SYTL3: variants seen among roughly 807,000 people sequenced by gnomAD.
The protein encoded by SYTL3 is synaptotagmin-like protein 3.
Under a neutral mutation model 82.1 loss-of-function variants are expected in SYTL3, and 88 were observed. The observed-to-expected ratio is 1.07, with a 90% CI of 0.90 to 1.28. The LOEUF is 1.28. Ranked by LOEUF, SYTL3 falls within the 50% of genes most tolerant of loss-of-function variation. The pLI is 0.00. For synonymous variants in SYTL3, 311 were observed against 289.4 expected, an observed-to-expected ratio of 1.07 and a Z score of -0.76; for missense variants, 831 against 757.6, an observed-to-expected ratio of 1.10 and a Z score of -1.14.
At chr6:158,763,722 C>G (rs1790326375) in intron 17 of SYTL3, among the ~76,000 whole-genome samples, 2 of 152,136 alleles carry the variant, frequency 1.3e-5, no homozygotes, top group South Asian at 4.1e-4. Context: ...TTTAGATCTG[C>G]TAAAGAAACA....
Position 158,731,118 on chromosome 6 carries a change from A to G in SYTL3, c.855+5481A>G, listed in dbSNP as rs551559838. Among the ~76,000 whole-genome samples, 19 of 151,952 alleles carry G rather than the reference A, an allele frequency of 1.3e-4. 1 individual carries two copies. In the South Asian group the frequency reaches 4.0e-3, roughly 32 times the overall value. On this transcript the variant is annotated intron_variant, in intron 11 of 17. Coordinates refer to ENST00000611299, the MANE Select transcript of SYTL3 (RefSeq NM_001242394.2). Reference sequence around the variant, plus strand: ...GCCAACAAAGTGAAACCATGTCTCTACTAAAAATACAAAAAATTAGCCGGG... The same window carrying G: ...GCCAACAAAGTGAAACCATGTCTCTGCTAAAAATACAAAAAATTAGCCGGG...
chr6:158,682,355 CTTTTTTTTTT>C (rs61526522), intron 5 of SYTL3, among the ~76,000 whole-genome samples: 4 of 106,834 alleles, frequency 3.7e-5, no homozygotes, highest in Non-Finnish European at 7.1e-5. Flanking sequence ...TTAACATTCA[CTTTTTTTTTT>C]TTTTTTTTTT....
intron 4 of SYTL3, among the ~76,000 whole-genome samples, chr6:158,663,973 G>A (rs317795): frequency 0.1 from 15,478 of 152,134 alleles, 924 homozygotes; most frequent in Non-Finnish European, 0.14. Flanking sequence ...TGCACGGGCC[G>A]TTTGATATGG....
chr6:158,708,659 G>GC (rs1221894577), intron 8 of SYTL3, among the ~76,000 whole-genome samples: 2 of 152,150 alleles, frequency 1.3e-5, no homozygotes, highest in Non-Finnish European at 2.9e-5. Context: ...CATGGCATCG[G>GC]CCCCCTTCCC....
chr6:158,722,835 G>A (rs1193803225), intron 10 of SYTL3, among the ~76,000 whole-genome samples: 2 of 145,002 alleles, frequency 1.4e-5, no homozygotes, highest in East Asian at 4.0e-4. Context: ...GAACAGTCTG[G>A]GCTCACTGCA....
intron 7 of SYTL3, 116 bp downstream of exon 7, chr6:158,707,397 T>C: frequency 1.4e-6 from 1 of 699,806 alleles, no homozygotes; most frequent in African/African-American, 1.9e-5. Flanking sequence ...GGAATGTGAC[T>C]CTTTTTTTTT....
intron 14 of SYTL3, among the ~76,000 whole-genome samples, chr6:158,759,465 C>G (rs1331734214): frequency 6.6e-6 from 1 of 152,210 alleles, no homozygotes; most frequent in Non-Finnish European, 1.5e-5. Flanking sequence ...CTGGCAGGAG[C>G]CATGGTGGAC....
intron 5 of SYTL3, among the ~76,000 whole-genome samples, chr6:158,675,429 T>C (rs1777917795): frequency 6.6e-6 from 1 of 152,226 alleles, no homozygotes; most frequent in Non-Finnish European, 1.5e-5. Flanking sequence ...GTCTTTTTTT[T>C]CCTGTAAGGA....
intron 8 of SYTL3, 49 bp from the exon 9 acceptor site, chr6:158,713,751 A>G: frequency 4.3e-6 from 6 of 1,395,656 alleles, no homozygotes; most frequent in Middle Eastern, 1.8e-4. Context: ...TGAGGCAAAC[A>G]CAAGTCATCA....
At chr6:158,704,149 T>TAA (rs11364829) in intron 6 of SYTL3, among the ~76,000 whole-genome samples, 1 of 149,504 alleles carries the variant, frequency 6.7e-6, no homozygotes, top group Non-Finnish European at 1.5e-5. Context: ...TTTAAATGGT[T>TAA]AAAAAAAAAA....
Position 158,764,618 on chromosome 6 carries a change from A to G in SYTL3, c.*14A>G. 1 of 1,592,420 alleles carries G rather than the reference A, an allele frequency of 6.3e-7. No individual in the cohort carries two copies. The highest frequency in any genetic ancestry group is 8.6e-7 in the Non-Finnish European group (1 of 1,160,282). On this transcript the variant is annotated 3_prime_UTR_variant, in exon 18 of 18. Coordinates refer to ENST00000611299, the MANE Select transcript of SYTL3 (RefSeq NM_001242394.2). ...GTCCTGCACTGACATGAAGGCCTCA[A>G]GGTTCCAGGTTGCAGCAGGCGTGAG...
intron 10 of SYTL3, 106 bp downstream of exon 10, chr6:158,718,317 A>G (rs1413274794): frequency 4.0e-6 from 5 of 1,238,776 alleles, no homozygotes; most frequent in Non-Finnish European, 5.2e-6. Context: ...GGTTTTATAG[A>G]AAAACAGTAA....
intron 8 of SYTL3, among the ~76,000 whole-genome samples, chr6:158,710,272 A>G (rs537372694): frequency 6.6e-6 from 1 of 152,330 alleles, no homozygotes; most frequent in Non-Finnish European, 1.5e-5. Context: ...CAGCTTTGTA[A>G]CTGAAATATT....
At chr6:158,725,761 G>A (rs1197108750) in intron 11 of SYTL3, 124 bp downstream of exon 11, 3 of 1,275,970 alleles carry the variant, frequency 2.4e-6, no homozygotes, top group East Asian at 2.3e-5. Context: ...GAACAGCAAG[G>A]CATTTTATTA....
At chr6:158,757,846 G>A (rs1789346581) in intron 14 of SYTL3, among the ~76,000 whole-genome samples, 2 of 152,230 alleles carry the variant, frequency 1.3e-5, no homozygotes, top group South Asian at 2.1e-4. Context: ...GGCTGGACCC[G>A]ATGCTGTGAG....
chr6:158,670,439 T>C (rs1777233520), intron 5 of SYTL3, among the ~76,000 whole-genome samples: 1 of 152,208 alleles, frequency 6.6e-6, no homozygotes, highest in Non-Finnish European at 1.5e-5. Flanking sequence ...GTCTACTGAC[T>C]CTTTCCTGTT....
intron 5 of SYTL3, among the ~76,000 whole-genome samples, chr6:158,666,802 A>G (rs1160749308): frequency 6.6e-6 from 1 of 152,182 alleles, no homozygotes; most frequent in East Asian, 1.9e-4. Context: ...TGCAAGGCTT[A>G]CTGTATTTCA....
chr6:158,666,497 G>A (rs980296173), intron 5 of SYTL3, among the ~76,000 whole-genome samples: 1 of 152,200 alleles, frequency 6.6e-6, no homozygotes, highest in African/African-American at 2.4e-5. Context: ...CATGAGCTCC[G>A]TGAAAACACT....
At chr6:158,714,819 C>A (rs149103841) in intron 9 of SYTL3, among the ~76,000 whole-genome samples, 129 of 152,306 alleles carry the variant, frequency 8.5e-4, no homozygotes, top group African/African-American at 2.9e-3. Context: ...GGCTCTGAGA[C>A]AGTCTCTTTA....
Sources: allele counts gnomAD v4.1 joint callset (sites outside exome capture counted in the v4.1 genomes callset), GRCh38; gene constraint gnomAD v4.1.1; transcripts MANE v1.5; gene names NCBI Gene and HGNC (gene_info 2026-07-23, HGNC 2026-07-21).